LEF1: variants seen among roughly 807,000 people sequenced by gnomAD.
LEF1 encodes the protein lymphoid enhancer-binding factor 1.
Under a neutral mutation model 51.2 loss-of-function variants are expected in LEF1, and 14 were observed. The ratio of observed to expected loss-of-function variants is 0.27; its 90% CI spans 0.18 to 0.43. LEF1 has a LOEUF of 0.43. Ranked by LOEUF, LEF1 falls within the 20% of genes least tolerant of loss-of-function variation. The pLI, the probability that LEF1 is intolerant of heterozygous loss-of-function variation, is 1.00. For synonymous variants in LEF1, 185 were observed against 183.2 expected (o/e 1.01, Z -0.08); for missense variants, 386 against 512.0 (o/e 0.75, Z 2.37).
intron 11 of LEF1, among the ~76,000 whole-genome samples, chr4:108,061,437 C>T (rs1737686684): frequency 6.6e-6 from 1 of 152,054 alleles, no homozygotes; most frequent in Non-Finnish European, 1.5e-5. Flanking sequence ...AATCGACTAC[C>T]AAACTCTGAA....
At chr4:108,120,101 G>C (rs1475937085) in intron 3 of LEF1, among the ~76,000 whole-genome samples, 4 of 151,608 alleles carry the variant, frequency 2.6e-5, no homozygotes, top group Non-Finnish European at 4.4e-5. Flanking sequence ...GTGTGATCAC[G>C]GCTCAATGTA....
chr4:108,140,853 C>T (rs1221905918), intron 3 of LEF1, among the ~76,000 whole-genome samples: 1 of 152,204 alleles, frequency 6.6e-6, no homozygotes, highest in Non-Finnish European at 1.5e-5. Context: ...GAAACTTCAA[C>T]ACATTTGAGA....
In LEF1 at chr4:108,099,645, T is replaced by C. The variant is rs1157602181; in HGVS notation, c.415-10388A>G. 2.1e-5 allele frequency among the ~76,000 whole-genome samples: 3 copies of C among 142,032 alleles called. No homozygotes were observed. In the South Asian group the frequency reaches 6.9e-4, roughly 33 times the overall value. The allele number at this position is 142,032 out of a possible 152,430, so 93.2% of individuals were successfully genotyped here. A position where few individuals can be genotyped will look rare whatever the true frequency, so the allele number is the denominator to read the frequency against. Reference sequence around the variant, plus strand: ...ATAATACTTGAAATTATGGGGTACGTGTGCAGAACATGCAGGTTTGTTACA... The same window carrying C: ...ATAATACTTGAAATTATGGGGTACGCGTGCAGAACATGCAGGTTTGTTACA... On this transcript the variant is annotated intron_variant, in intron 3 of 11. Transcript: ENST00000265165.
At chr4:108,162,187 C>G (rs548950323) in intron 3 of LEF1, among the ~76,000 whole-genome samples, 3 of 152,190 alleles carry the variant, frequency 2.0e-5, no homozygotes, top group South Asian at 2.1e-4. Context: ...ATATGAAATA[C>G]CTATTTCTTA....
intron 10 of LEF1, among the ~76,000 whole-genome samples, chr4:108,064,003 TATATAAC>T (rs1737881128): frequency 6.6e-6 from 1 of 152,142 alleles, no homozygotes; most frequent in South Asian, 2.1e-4. Context: ...TTTAAGGAGT[TATATAAC>T]ATAGTAAAAA....
intron 3 of LEF1, among the ~76,000 whole-genome samples, chr4:108,139,547 T>G (rs569384474): frequency 6.6e-6 from 1 of 152,264 alleles, no homozygotes; most frequent in South Asian, 2.1e-4. Context: ...GGGAGGTGGA[T>G]GCAGAGCCTG....
intron 3 of LEF1, among the ~76,000 whole-genome samples, chr4:108,136,541 C>T (rs1452919689): frequency 6.6e-6 from 1 of 151,450 alleles, no homozygotes; most frequent in East Asian, 1.9e-4. Context: ...GATACCCCAC[C>T]CAGATCTGGA....
At chr4:108,048,781 A>G (rs1212913988) in intron 11 of LEF1, 30 bp from the exon 12 acceptor site, 1 of 1,544,282 alleles carries the variant, frequency 6.5e-7, no homozygotes, top group Non-Finnish European at 8.9e-7. Flanking sequence ...AATGCTATTA[A>G]TATGAATTTG....
In LEF1 at chr4:108,162,951, A is replaced by C. The variant is rs140185662; in HGVS notation, c.414+617T>G. On this transcript the variant is annotated intron_variant, in intron 3 of 11. Coordinates refer to ENST00000265165, the MANE Select transcript of LEF1 (RefSeq NM_016269.5). ...CATAATGCAGTTATAATACCACTGC[A>C]TTTTTAGAATTTTAAAAGTTAACTA... Among the ~76,000 whole-genome samples, 6 of 152,294 alleles carry C rather than the reference A, an allele frequency of 3.9e-5. No homozygotes were observed. The East Asian group carries it at 1.2e-3, about 29-fold the overall frequency.
chr4:108,164,294 C>T (rs1357172876), intron 2 of LEF1, among the ~76,000 whole-genome samples: 3 of 152,074 alleles, frequency 2.0e-5, no homozygotes, highest in East Asian at 1.9e-4. Flanking sequence ...AATTTCTGTT[C>T]GATATGTGTA....
chr4:108,064,259 T>G, intron 10 of LEF1, 77 bp downstream of exon 10: 1 of 902,342 alleles, frequency 1.1e-6, no homozygotes. Flanking sequence ...GAAAGCAGTG[T>G]GTAGAGAGAT....
At position 108,103,902 on chromosome 4, in the gene LEF1, C is replaced by T. The variant is rs535330270; in HGVS notation, c.415-14645G>A. ...AAAAGGTAAACATAGAACTACCATA[C>T]GACCCAGTGATGCCACTCCTTCTGA... On this transcript the variant is annotated intron_variant, in intron 3 of 11. Transcript: ENST00000265165. Among the ~76,000 whole-genome samples, 22 of 152,264 alleles carry T rather than the reference C, an allele frequency of 1.4e-4. No homozygotes were observed. The South Asian group carries it at 2.9e-3, about 20-fold the overall frequency.
intron 8 of LEF1, among the ~76,000 whole-genome samples, chr4:108,074,500 C>T (rs1738714705): frequency 6.6e-6 from 1 of 152,072 alleles, no homozygotes; most frequent in African/African-American, 2.4e-5. Context: ...CATATGAACA[C>T]TATTTTAGAG....
intron 3 of LEF1, among the ~76,000 whole-genome samples, chr4:108,156,105 CT>C (rs555688621): frequency 3.5e-4 from 53 of 152,290 alleles, no homozygotes; most frequent in African/African-American, 1.2e-3. Flanking sequence ...AGATGGTTTT[CT>C]TTTTACTAGT....
intron 3 of LEF1, among the ~76,000 whole-genome samples, chr4:108,149,452 C>T (rs1236534353): frequency 6.7e-5 from 2 of 29,842 alleles, no homozygotes; most frequent in Non-Finnish European, 1.0e-4. Context: ...GAGCGAGACT[C>T]CGTCTCAAAA....
At chr4:108,097,089 G>T (rs1740442311) in intron 3 of LEF1, among the ~76,000 whole-genome samples, 1 of 152,120 alleles carries the variant, frequency 6.6e-6, no homozygotes, top group African/African-American at 2.4e-5. Flanking sequence ...CCACTGCTCG[G>T]TATACTCAAA....
chr4:108,057,915 C>T (rs1484817819), intron 11 of LEF1, among the ~76,000 whole-genome samples: 1 of 151,166 alleles, frequency 6.6e-6, no homozygotes, highest in Non-Finnish European at 1.5e-5. Context: ...TCACTGTCAC[C>T]TGGGCTAGAG....
intron 3 of LEF1, among the ~76,000 whole-genome samples, chr4:108,134,575 C>G (rs1171072491): frequency 1.3e-5 from 2 of 152,176 alleles, no homozygotes; most frequent in Non-Finnish European, 2.9e-5. Context: ...CCAAATACAT[C>G]AAGACATACA....
chr4:108,114,894 G>A (rs1430590883), intron 3 of LEF1, among the ~76,000 whole-genome samples: 1 of 152,212 alleles, frequency 6.6e-6, no homozygotes, highest in African/African-American at 2.4e-5. Context: ...CATTTGCCCA[G>A]GATGGAATTA....
Sources: gnomAD v4.1 joint callset for allele counts (sites outside exome capture counted in the v4.1 genomes callset) on GRCh38, gnomAD v4.1.1 for gene constraint, MANE v1.5 for transcripts, NCBI Gene and HGNC (gene_info 2026-07-23, HGNC 2026-07-21) for gene names.